The following GPR33 variants were observed in gnomAD, a reference collection of about 807,000 sequenced individuals.
The protein encoded by GPR33 is G protein-coupled receptor 33.
In GPR33, 4 loss-of-function variants were observed where a neutral mutation model predicts 3.1. The observed-to-expected ratio is 1.29, with a 90% CI of 0.64 to 2.96. The LOEUF is 2.96. Ranked by LOEUF, GPR33 falls within the 30% of genes most tolerant of loss-of-function variation. GPR33 has a pLI of 0.01. For missense variants in GPR33, 390 were observed against 388.9 expected (o/e 1.00, Z -0.02); for synonymous variants, 138 against 142.0 (o/e 0.97, Z 0.20).
intron 1 of GPR33, among the ~76,000 whole-genome samples, chr14:31,484,385 C>T (rs2032396034): frequency 6.6e-6 from 1 of 151,972 alleles, no homozygotes; most frequent in Admixed American, 6.6e-5. Flanking sequence ...GGCTCAAGGA[C>T]TCCTCCTGCC....
chr14:31,483,115 G>C lies in GPR33; in HGVS notation c.851C>G (p.Thr284Arg). ...AGTATTGAAAGAAGTGGTTAGCACT[G>C]TAAGTATCAAAGTCAACTCTAAAAG... Reference protein sequence around the residue: ...SLLLELTLILTVLTTSFNTIF... With the variant: ...SLLLELTLILRVLTTSFNTIF... Residue 284 changes from threonine to arginine, a missense_variant, in exon 2 of 2, where the codon ACA becomes AGA. Physicochemically the swap from Thr to Arg is moderately conservative, Grantham distance 71. Coordinates refer to ENST00000399285, the MANE Select transcript of GPR33 (RefSeq NM_001197184.3). 1.3e-6 allele frequency: 2 copies of C among 1,536,064 alleles called. No individual in the cohort carries two copies. Among genetic ancestry groups the C allele is most frequent in the South Asian group, 2.4e-5 (2 of 84,062 alleles).
At chr14:31,486,732 A>G (rs1325831939) in intron 1 of GPR33, among the ~76,000 whole-genome samples, 1 of 152,226 alleles carries the variant, frequency 6.6e-6, no homozygotes, top group Non-Finnish European at 1.5e-5. Context: ...TCTGAGAAGC[A>G]GAAATGACAC....
intron 1 of GPR33, among the ~76,000 whole-genome samples, chr14:31,487,250 C>T (rs1156809317): frequency 2.0e-5 from 3 of 151,902 alleles, no homozygotes; most frequent in Admixed American, 2.0e-4. Flanking sequence ...TGCACATAAC[C>T]AGGAGATTTC....
chr14:31,485,071 G>T (rs1007849753), intron 1 of GPR33, among the ~76,000 whole-genome samples: 1 of 151,890 alleles, frequency 6.6e-6, no homozygotes, highest in Non-Finnish European at 1.5e-5. Context: ...GAGTAGCTGG[G>T]ATTACAGACA....
chr14:31,483,523 A>C lies in GPR33; in HGVS notation c.443T>G (p.Ile148Ser), dbSNP rs1327693447. 1 of 1,536,148 alleles carries C rather than the reference A, an allele frequency of 6.5e-7. No homozygotes were observed. The highest frequency in any genetic ancestry group is 1.2e-5 in the South Asian group (1 of 84,062). ...GGCTGAAATCCAGACTCCCAGGACA[A>C]TGCTGGAAGCCCAGCGCGGGGTTCG... ...QHRTPRWASSIVLGVWISAAA... is the reference protein window; with the variant it reads ...QHRTPRWASSSVLGVWISAAA... The change falls in exon 2 of 2, where the codon ATT becomes AGT. Residue 148 changes from isoleucine (I) to serine (S), a missense_variant. Transcript: ENST00000399285.
In GPR33 at chr14:31,483,508, C is replaced by T; in HGVS notation, c.458G>A (p.Trp153Ter). Residue 153 changes from tryptophan to a stop codon, truncating the protein, a stop_gained, in exon 2 of 2, where the codon TGG (tryptophan) becomes TAG (stop). Coordinates refer to ENST00000399285, the MANE Select transcript of GPR33 (RefSeq NM_001197184.3). LOFTEE classifies it high-confidence loss of function. ...GATGCTGAGGGCAGCGGCTGAAATC[C>T]AGACTCCCAGGACAATGCTGGAAGC... ...RWASSIVLGV[W>*]ISAAALSIPY... The T allele has an allele frequency of 6.5e-7, 1 of 1,536,136 alleles. No homozygotes were observed. Among genetic ancestry groups the T allele is most frequent in the Non-Finnish European group, 8.7e-7 (1 of 1,146,902 alleles).
Position 31,483,156 on chromosome 14 carries a change from A to G in GPR33, c.810T>C (p.Thr270=), listed in dbSNP as rs766521930. ...ACTCTAAAAGTAGTGACTGGTTCGT[A>G]GTGAGAAGTAAGCCCTGGTGTATAT... is the stretch of plus-strand genomic sequence containing the variant. ...PYHIHQGLLL[T]TNQSLLLELT... The change falls in exon 2 of 2, where the codon ACT becomes ACC. Residue 270 remains threonine (T), a synonymous_variant. Coordinates refer to ENST00000399285, the MANE Select transcript of GPR33 (RefSeq NM_001197184.3). 1.2e-5 allele frequency: 18 copies of G among 1,536,036 alleles called. No homozygotes were observed. The South Asian group carries it at 1.9e-4, about 16-fold the overall frequency.
At chr14:31,486,648 T>C (rs575814133) in intron 1 of GPR33, among the ~76,000 whole-genome samples, 1 of 152,118 alleles carries the variant, frequency 6.6e-6, no homozygotes, top group Non-Finnish European at 1.5e-5. Flanking sequence ...AGGATGATTT[T>C]AAGACAGGCA....
chr14:31,486,384 C>T (rs2032419288), intron 1 of GPR33, among the ~76,000 whole-genome samples: 1 of 152,230 alleles, frequency 6.6e-6, no homozygotes, highest in Non-Finnish European at 1.5e-5. Context: ...GAGGCATGAG[C>T]TGCCGTGCCC....
At chr14:31,484,044 A>G in intron 1 of GPR33, 73 bp from the exon 2 acceptor site, 1 of 1,272,620 alleles carries the variant, frequency 7.9e-7, no homozygotes, top group Non-Finnish European at 1.0e-6. Flanking sequence ...AAATTTAAAG[A>G]GTAATTTTTT....
rs2032384584 is a variant in GPR33, at chr14:31,483,525, G to T, written c.441C>A (p.Ser147Arg). 1.3e-6 allele frequency: 2 copies of T among 1,536,054 alleles called. No homozygotes were observed. Among genetic ancestry groups the T allele is most frequent in the Admixed American group, 3.9e-5 (2 of 50,986 alleles). The change falls in exon 2 of 2, where the codon AGC (serine) becomes AGA (arginine). Residue 147 changes from serine (S) to arginine (R), a missense_variant. Coordinates refer to ENST00000399285, the MANE Select transcript of GPR33 (RefSeq NM_001197184.3). ...CTGAAATCCAGACTCCCAGGACAAT[G>T]CTGGAAGCCCAGCGCGGGGTTCGGT... ...QQHRTPRWASSIVLGVWISAA... is the reference protein window; with the variant it reads ...QQHRTPRWASRIVLGVWISAA...
intron 1 of GPR33, among the ~76,000 whole-genome samples, chr14:31,485,795 T>C (rs992632377): frequency 3.9e-5 from 6 of 152,202 alleles, no homozygotes; most frequent in African/African-American, 1.4e-4. Flanking sequence ...ACTACTGTTT[T>C]ATATTACTTC....
chr14:31,482,914 C>T lies in GPR33; in HGVS notation c.*50G>A, dbSNP rs2032375333. On this transcript the variant is annotated 3_prime_UTR_variant, in exon 2 of 2. Coordinates refer to ENST00000399285, the MANE Select transcript of GPR33 (RefSeq NM_001197184.3). The stretch of plus-strand genomic sequence containing the variant: ...GGTATATCCTATTGGTATAATTGAC[C>T]AAGTGCGTGTTTGCTTAAGAATCTA... 1 of 1,413,690 alleles carries T rather than the reference C, an allele frequency of 7.1e-7. No homozygotes were observed. The highest frequency in any genetic ancestry group is 2.5e-5 in the East Asian group (1 of 40,320). The allele number at this position is 1,413,690 out of a possible 1,614,324, so 87.6% of individuals were successfully genotyped here.
At chr14:31,485,575 A>G (rs1179188103) in intron 1 of GPR33, among the ~76,000 whole-genome samples, 3 of 150,866 alleles carry the variant, frequency 2.0e-5, no homozygotes, top group Non-Finnish European at 4.4e-5. Context: ...CAGAGGTTGC[A>G]GTGAGCCGAA....
At position 31,483,779 on chromosome 14, in the gene GPR33, T is replaced by C; in HGVS notation, c.187A>G (p.Asn63Asp). 2 of 1,536,078 alleles carry C rather than the reference T, an allele frequency of 1.3e-6. No homozygotes were observed. The highest frequency in any genetic ancestry group is 1.7e-6 in the Non-Finnish European group (2 of 1,146,870). The part of the protein sequence containing the change: ...VLRFKMKQTV[N>D]TLLFFHLILS... Reference sequence around the variant, plus strand: ...ATGAGATGAAAAAATAAGAGAGTATTGACAGTCTGTTTCATCTTGAATCTT... The same window carrying C: ...ATGAGATGAAAAAATAAGAGAGTATCGACAGTCTGTTTCATCTTGAATCTT... The change falls in exon 2 of 2, where the codon AAT becomes GAT. Residue 63 changes from asparagine (N) to aspartate (D), a missense_variant. Asn to Asp is a conservative substitution (Grantham distance 23, BLOSUM62 1). Coordinates refer to ENST00000399285, the MANE Select transcript of GPR33 (RefSeq NM_001197184.3).
In GPR33 at chr14:31,483,035, T is replaced by C; in HGVS notation, c.931A>G (p.Lys311Glu). The change falls in exon 2 of 2, where the codon AAG becomes GAG. Residue 311 changes from lysine to glutamate, a missense_variant. Lys to Glu is a moderately conservative substitution (Grantham distance 56). Transcript: ENST00000399285. ...FVGENFKKVFKKSILALFEST... is the reference protein window; with the variant it reads ...FVGENFKKVFEKSILALFEST... ...TCAAACAGAGCAAGAATGGACTTCT[T>C]GAAGACCTTTTTGAAATTCTCCCCA... is the stretch of plus-strand genomic sequence containing the variant. 1 of 1,536,036 alleles carries C rather than the reference T, an allele frequency of 6.5e-7. No homozygotes were observed. The highest frequency in any genetic ancestry group is 8.7e-7 in the Non-Finnish European group (1 of 1,146,866).
intron 1 of GPR33, among the ~76,000 whole-genome samples, chr14:31,486,967 G>A (rs1307626893): frequency 6.6e-6 from 1 of 152,066 alleles, no homozygotes; most frequent in African/African-American, 2.4e-5. Flanking sequence ...GTGTATGTAT[G>A]TGTCTGTGGT....
intron 1 of GPR33, among the ~76,000 whole-genome samples, chr14:31,485,185 C>T (rs1249191464): frequency 6.6e-6 from 1 of 151,862 alleles, no homozygotes; most frequent in East Asian, 1.9e-4. Context: ...ATCCATCCAC[C>T]TTGGCCTCCT....
In GPR33 at chr14:31,483,228, A is replaced by T; in HGVS notation, c.738T>A (p.Val246=). 6.5e-7 allele frequency: 1 copy of T among 1,536,162 alleles called. No individual in the cohort carries two copies. The change falls in exon 2 of 2, where the codon GTT becomes GTA. Residue 246 remains valine (V), a synonymous_variant. Transcript: ENST00000399285. ...AGAAAGAGATAATGGCAGTCATCATAACTTTGAAGGGCTTGCTGGATTTAA... is the reference window on the plus strand; with the variant it reads ...AGAAAGAGATAATGGCAGTCATCATTACTTTGAAGGGCTTGCTGGATTTAA... The part of the protein sequence containing the change: ...SLFKSSKPFK[V]MMTAIISFFV...
Sources: allele counts gnomAD v4.1 joint callset (sites outside exome capture counted in the v4.1 genomes callset), GRCh38; gene constraint gnomAD v4.1.1; transcripts MANE v1.5; gene names NCBI Gene and HGNC (gene_info 2026-07-23, HGNC 2026-07-21).